The following YIPF1 variants were observed in gnomAD, a reference collection of about 807,000 sequenced individuals.
YIPF1 encodes the protein Yip1 domain family member 1.
YIPF1 carries 22 observed loss-of-function variants against 37.0 expected under a neutral mutation model. That is an observed-to-expected ratio of 0.59 (90% CI 0.42 to 0.85). YIPF1 has a LOEUF of 0.85. YIPF1 is among the 40% of genes least tolerant of loss of function. The probability of loss-of-function intolerance (pLI) is 0.00; values close to 1 mark genes in which losing one functional copy is unlikely to be tolerated. For missense variants in YIPF1, 355 were observed against 373.1 expected, an observed-to-expected ratio of 0.95 and a Z score of 0.40; for synonymous variants, 128 against 131.9, an observed-to-expected ratio of 0.97 and a Z score of 0.21.
intron 9 of YIPF1, among the ~76,000 whole-genome samples, chr1:53,861,357 A>G (rs931221556): frequency 6.6e-6 from 1 of 152,136 alleles, no homozygotes; most frequent in South Asian, 2.1e-4. Flanking sequence ...ACAAGCCCCC[A>G]GGATGCAGGA....
intron 3 of YIPF1, chr1:53,886,824 G>A (rs557596395): frequency 3.9e-5 from 6 of 152,160 alleles, no homozygotes; most frequent in South Asian, 2.1e-4. Context: ...TGGCTGAGGA[G>A]GGTCTCTCTA....
intron 7 of YIPF1, among the ~76,000 whole-genome samples, chr1:53,869,189 C>CAG: frequency 6.9e-6 from 1 of 144,016 alleles, no homozygotes; most frequent in Non-Finnish European, 1.5e-5. Context: ...CACACACACA[C>CAG]AGGCAAATAC....
At position 53,889,005 on chromosome 1, in the gene YIPF1, T is replaced by C; in HGVS notation, c.-49-19A>G. ...CAGGGTTCTAAAAGAAAAAAATAGG[T>C]AAACATAATAGGATGACAGTATAAA... On this transcript the variant is annotated intron_variant, in intron 2 of 10. Transcript: ENST00000072644. 1 of 1,367,246 alleles carries C rather than the reference T, an allele frequency of 7.3e-7. No individual in the cohort carries two copies. The highest frequency in any genetic ancestry group is 1.0e-6 in the Non-Finnish European group (1 of 960,732). The allele number at this position is 1,367,246 out of a possible 1,614,324, so 84.7% of individuals were successfully genotyped here. A position where few individuals can be genotyped will look rare whatever the true frequency, so the allele number is the denominator to read the frequency against.
At chr1:53,859,240 G>T (rs1649801975) in intron 10 of YIPF1, among the ~76,000 whole-genome samples, 1 of 152,188 alleles carries the variant, frequency 6.6e-6, no homozygotes, top group African/African-American at 2.4e-5. Context: ...GTGGACAAAT[G>T]AATGAATAAA....
chr1:53,858,864 G>A lies in YIPF1; in HGVS notation c.*8+1192C>T, dbSNP rs181625648. 6.6e-5 allele frequency among the ~76,000 whole-genome samples: 10 copies of A among 152,290 alleles called. No homozygotes were observed. The East Asian group carries it at 1.9e-3, about 29-fold the overall frequency. On this transcript the variant is annotated intron_variant, in intron 10 of 10. Transcript: ENST00000072644. ...TTGCCCAGGTTGGTCTCAAACTCTT[G>A]AGCTCAAGTGATCTGCCTGCCTTGG...
At chr1:53,863,338 G>A (rs772083942) in intron 9 of YIPF1, among the ~76,000 whole-genome samples, 5 of 152,190 alleles carry the variant, frequency 3.3e-5, no homozygotes, top group Non-Finnish European at 5.9e-5. Context: ...TGGGACCTTG[G>A]ACCACTCTTA....
chr1:53,887,408 T>A (rs1256552846), intron 3 of YIPF1, among the ~76,000 whole-genome samples: 2 of 151,914 alleles, frequency 1.3e-5, no homozygotes, highest in Non-Finnish European at 2.9e-5. Context: ...AGATGGGAGC[T>A]ACTGGAAGGT....
intron 10 of YIPF1, among the ~76,000 whole-genome samples, chr1:53,856,956 T>C (rs1433468200): frequency 6.6e-6 from 1 of 152,180 alleles, no homozygotes; most frequent in Non-Finnish European, 1.5e-5. Context: ...ATCTCTCCTA[T>C]GTTTACATTA....
At chr1:53,867,573 C>T (rs372473505) in intron 7 of YIPF1, among the ~76,000 whole-genome samples, 1 of 151,986 alleles carries the variant, frequency 6.6e-6, no homozygotes, top group African/African-American at 2.4e-5. Flanking sequence ...GGGGTTTCAC[C>T]GTGTTAGCCA....
Position 53,868,401 on chromosome 1 carries a change from T to G in YIPF1, c.482-1477A>C, listed in dbSNP as rs574828630. On this transcript the variant is annotated intron_variant, in intron 7 of 10. Coordinates refer to ENST00000072644, the MANE Select transcript of YIPF1 (RefSeq NM_018982.5). ...GTTACTTAACCTTCCTGTCTCAGTT[T>G]CCTCATCTATAAAATGGGAAGAAAA... 5.9e-5 allele frequency among the ~76,000 whole-genome samples: 9 copies of G among 152,320 alleles called. No individual in the cohort carries two copies. In the South Asian group the frequency reaches 1.9e-3, roughly 32 times the overall value.
At chr1:53,854,615 GT>G (rs1262537481) in intron 10 of YIPF1, among the ~76,000 whole-genome samples, 1 of 152,164 alleles carries the variant, frequency 6.6e-6, no homozygotes, top group African/African-American at 2.4e-5. Flanking sequence ...CCATAATCAT[GT>G]TTCTCTCTTT....
chr1:53,883,232 T>C lies in YIPF1; in HGVS notation c.76A>G (p.Thr26Ala). The change falls in exon 4 of 11, where the codon ACC becomes GCC. Residue 26 changes from threonine to alanine, a missense_variant. Coordinates refer to ENST00000072644, the MANE Select transcript of YIPF1 (RefSeq NM_018982.5). Reference protein sequence around the residue: ...ATSLTANPDATTVNIEDPGET... With the variant: ...ATSLTANPDAATVNIEDPGET... The stretch of plus-strand genomic sequence containing the variant: ...CCAGGATCCTCAATGTTTACTGTGG[T>C]GGCATCTGGGTTTGCTGTCAGAGAA... 2 of 1,593,844 alleles carry C rather than the reference T, an allele frequency of 1.3e-6. No individual in the cohort carries two copies. Among genetic ancestry groups the C allele is most frequent in the Non-Finnish European group, 1.7e-6 (2 of 1,172,006 alleles).
chr1:53,867,727 C>T (rs1434918306), intron 7 of YIPF1, among the ~76,000 whole-genome samples: 1 of 152,316 alleles, frequency 6.6e-6, no homozygotes, highest in Middle Eastern at 3.4e-3. Context: ...GCTCTGCATG[C>T]TCTCTAGAGT....
chr1:53,868,806 A>G (rs1372028644), intron 7 of YIPF1, among the ~76,000 whole-genome samples: 1 of 152,210 alleles, frequency 6.6e-6, no homozygotes, highest in Non-Finnish European at 1.5e-5. Context: ...CAAAGAGGAT[A>G]AGAACAGGTA....
chr1:53,866,680 G>A, intron 8 of YIPF1, 78 bp downstream of exon 8: 1 of 1,474,568 alleles, frequency 6.8e-7, no homozygotes, highest in Non-Finnish European at 9.2e-7. Flanking sequence ...AATAATGATG[G>A]TAGGTCAAAT....
chr1:53,857,559 T>A (rs965197856), intron 10 of YIPF1, among the ~76,000 whole-genome samples: 1 of 152,084 alleles, frequency 6.6e-6, no homozygotes, highest in Non-Finnish European at 1.5e-5. Context: ...TAGATATGAG[T>A]CCCAGCTCTG....
intron 10 of YIPF1, among the ~76,000 whole-genome samples, chr1:53,857,236 A>G (rs1649743130): frequency 1.3e-5 from 2 of 152,222 alleles, no homozygotes; most frequent in South Asian, 4.1e-4. Flanking sequence ...TGCAGCCTTG[A>G]GAGAGAATCT....
At chr1:53,861,505 C>A (rs1415074656) in intron 9 of YIPF1, among the ~76,000 whole-genome samples, 1 of 152,058 alleles carries the variant, frequency 6.6e-6, no homozygotes, top group African/African-American at 2.4e-5. Context: ...TTGGCCTCAA[C>A]TTTCTGATCT....
intron 6 of YIPF1, among the ~76,000 whole-genome samples, chr1:53,874,061 C>G (rs1189903358): frequency 1.3e-5 from 2 of 152,148 alleles, no homozygotes; most frequent in Non-Finnish European, 2.9e-5. Context: ...AGATAACTTT[C>G]CCAGCCCTTA....
Sources: gnomAD v4.1 joint callset for allele counts (sites outside exome capture counted in the v4.1 genomes callset) on GRCh38, gnomAD v4.1.1 for gene constraint, MANE v1.5 for transcripts, NCBI Gene and HGNC (gene_info 2026-07-23, HGNC 2026-07-21) for gene names.